The following FANCD2 variants were observed in gnomAD, a reference collection of about 807,000 sequenced individuals.
FANCD2 encodes the protein Fanconi anemia group D2 protein.
A neutral mutation model predicts 192.3 loss-of-function variants in FANCD2; 131 were observed. The ratio of observed to expected loss-of-function variants is 0.68; its 90% CI spans 0.59 to 0.79. FANCD2 has a LOEUF of 0.79. Among genes scored for constraint, FANCD2 ranks in the 30% least tolerant of loss-of-function variants. The pLI, the probability that FANCD2 is intolerant of heterozygous loss-of-function variation, is 0.00. For synonymous variants in FANCD2, 524 were observed against 612.5 expected (o/e 0.86, Z 2.13); for missense variants, 1,508 against 1,701.6 (o/e 0.89, Z 2.00).
intron 4 of FANCD2, 31 bp from the exon 5 acceptor site, chr3:10,034,664 T>G (rs190531212): frequency 6.6e-7 from 1 of 1,511,646 alleles, no homozygotes; most frequent in South Asian, 1.2e-5. Flanking sequence ...CTAAAAATTT[T>G]ATTCTTTTTT....
At chr3:10,095,425 T>C in intron 41 of FANCD2, 151 bp downstream of exon 41, 1 of 699,664 alleles carries the variant, frequency 1.4e-6, no homozygotes, top group Non-Finnish European at 2.6e-6. Context: ...CCTTAGTTGC[T>C]CCTTGAGATT....
intron 38 of FANCD2, 148 bp downstream of exon 38, chr3:10,092,400 C>T (rs1241741125): frequency 1.4e-6 from 1 of 740,596 alleles, no homozygotes; most frequent in Non-Finnish European, 2.4e-6. Flanking sequence ...GTCCCCCTAC[C>T]CATCCTGGAT....
intron 17 of FANCD2, among the ~76,000 whole-genome samples, chr3:10,051,561 A>G (rs1399316227): frequency 9.2e-5 from 14 of 152,144 alleles, no homozygotes; most frequent in African/African-American, 3.4e-4. Flanking sequence ...AGAGAGCAGT[A>G]ACTTGAAGAC....
Position 10,074,647 on chromosome 3 carries a change from A to C in FANCD2, c.2833A>C (p.Ile945Leu). Residue 945 changes from isoleucine (I) to leucine (L), a missense_variant, in exon 29 of 44, where the codon ATC (isoleucine) becomes CTC (leucine). Ile to Leu is a conservative substitution (Grantham distance 5). Coordinates refer to ENST00000675286, the MANE Select transcript of FANCD2 (RefSeq NM_001018115.3). ...ACATTGTGGACTTGTGACGAAGTTC[A>C]TCTTAGATACTGAAATGCACACTGA... ...ILHCGLVTKF[I>L]LDTEMHTEAT... The C allele has an allele frequency of 6.2e-7, 1 of 1,613,886 alleles. No homozygotes were observed. Among genetic ancestry groups the C allele is most frequent in the South Asian group, 1.1e-5 (1 of 91,072 alleles).
chr3:10,088,506 G>A lies in FANCD2; in HGVS notation c.3524G>A (p.Ser1175Asn), dbSNP rs151316403. The A allele has an allele frequency of 6.8e-6, 11 of 1,610,690 alleles. No individual in the cohort carries two copies. Among genetic ancestry groups the A allele is most frequent in the South Asian group, 1.1e-5 (1 of 90,998 alleles). The change falls in exon 35 of 44, where the codon AGC becomes AAC. Residue 1175 changes from serine to asparagine, a missense_variant. By Grantham distance (46) the Ser-to-Asn change is conservative (BLOSUM62 1). This residue lies in a region of FANCD2 where 796 missense variants were observed against 879.4 expected (regional missense o/e 0.91). Transcript: ENST00000675286. ...RVWPSGDKEK[S>N]NISNDQLHAL... is the part of the protein sequence containing the mutation. ...TGGCCAAGTGGGGATAAAGAGAAGAGCAACATCTCTAATGACCAGCTCCAT... is the reference window on the plus strand; with the variant it reads ...TGGCCAAGTGGGGATAAAGAGAAGAACAACATCTCTAATGACCAGCTCCAT...
chr3:10,068,968 C>A (rs2087794762), intron 26 of FANCD2, among the ~76,000 whole-genome samples: 1 of 152,184 alleles, frequency 6.6e-6, no homozygotes, highest in Non-Finnish European at 1.5e-5. Flanking sequence ...AGACCCCTAT[C>A]TCTTGCCATA....
At chr3:10,084,479 G>A (rs1229651381) in intron 32 of FANCD2, among the ~76,000 whole-genome samples, 3 of 150,410 alleles carry the variant, frequency 2.0e-5, no homozygotes, top group Non-Finnish European at 3.0e-5. Flanking sequence ...TTTTTCTTTG[G>A]TAGAGACGGG....
intron 10 of FANCD2, 107 bp from the exon 11 acceptor site, chr3:10,042,452 A>C (rs994807894): frequency 2.3e-5 from 21 of 930,012 alleles, no homozygotes; most frequent in Non-Finnish European, 3.4e-5. Context: ...ATAAGTGGGA[A>C]GATGGAGTAA....
intron 26 of FANCD2, among the ~76,000 whole-genome samples, chr3:10,069,462 T>TCC (rs1455858567): frequency 1.1e-4 from 13 of 121,594 alleles, no homozygotes; most frequent in African/African-American, 4.7e-4. Context: ...TTAAGATGCC[T>TCC]CTCCCCCTCC....
chr3:10,057,867 A>G (rs2087459529), intron 18 of FANCD2: 1 of 189,372 alleles, frequency 5.3e-6, no homozygotes, highest in Non-Finnish European at 1.1e-5. Context: ...ATATTCTGTC[A>G]GTCATTCATG....
intron 26 of FANCD2, among the ~76,000 whole-genome samples, chr3:10,068,172 G>A (rs998295727): frequency 1.3e-5 from 2 of 152,090 alleles, no homozygotes; most frequent in Non-Finnish European, 2.9e-5. Context: ...GAAAGAAAGG[G>A]CATCCAAATT....
intron 3 of FANCD2, among the ~76,000 whole-genome samples, chr3:10,033,861 C>G (rs903899002): frequency 6.6e-6 from 1 of 151,338 alleles, no homozygotes; most frequent in African/African-American, 2.4e-5. Flanking sequence ...CCATGCCTGA[C>G]TAATTTTTTG....
chr3:10,044,554 T>A (rs908920175), intron 14 of FANCD2, among the ~76,000 whole-genome samples: 9 of 151,946 alleles, frequency 5.9e-5, no homozygotes, highest in African/African-American at 1.9e-4. Context: ...GCCACTGCAC[T>A]CCAGCCTGGG....
chr3:10,075,418 C>T (rs1166991516), intron 29 of FANCD2, among the ~76,000 whole-genome samples: 1 of 152,132 alleles, frequency 6.6e-6, no homozygotes, highest in Non-Finnish European at 1.5e-5. Flanking sequence ...ATCTCCTGAC[C>T]TCGTGATCAC....
chr3:10,032,421 C>T, intron 2 of FANCD2: 1 of 293,650 alleles, frequency 3.4e-6, no homozygotes, highest in Non-Finnish European at 6.4e-6. Flanking sequence ...GCTGGGACTA[C>T]AGGTGTGCGT....
chr3:10,093,129 C>T (rs2125088312), intron 38 of FANCD2, among the ~76,000 whole-genome samples, 156 bp from the exon 39 acceptor site: 1 of 152,294 alleles, frequency 6.6e-6, no homozygotes, highest in East Asian at 1.9e-4. Flanking sequence ...GTGATAATTA[C>T]TTTATTCTGC....
chr3:10,080,634 G>A (rs1326605731), intron 30 of FANCD2, among the ~76,000 whole-genome samples: 1 of 152,162 alleles, frequency 6.6e-6, no homozygotes, highest in African/African-American at 2.4e-5. Flanking sequence ...AGCCATGTTT[G>A]TTGGCATGTG....
At chr3:10,055,918 G>A (rs1330866325) in intron 18 of FANCD2, among the ~76,000 whole-genome samples, 3 of 151,942 alleles carry the variant, frequency 2.0e-5, no homozygotes, top group Admixed American at 6.6e-5. Context: ...TCACTCTGTC[G>A]CCCAGGCTTG....
intron 37 of FANCD2, 58 bp downstream of exon 37, chr3:10,090,443 ATTTTTTTTTTTTTTT>A (rs773716319): frequency 2.0e-5 from 7 of 342,312 alleles, no homozygotes; most frequent in African/African-American, 3.9e-5. Flanking sequence ...GAAGTTGCTG[ATTTTTTTTTTTTTTT>A]TTTTTTTTTT....
Sources: gnomAD v4.1 joint callset for allele counts (sites outside exome capture counted in the v4.1 genomes callset) on GRCh38, gnomAD v4.1.1 for gene constraint, gnomAD v4.1.1 regional missense constraint, MANE v1.5 for transcripts, NCBI Gene and HGNC (gene_info 2026-07-23, HGNC 2026-07-21) for gene names.